HELZ: variants seen among roughly 807,000 people sequenced by gnomAD.
HELZ encodes the protein ATP-dependent RNA helicase with zinc finger domain.
In HELZ, 23 loss-of-function variants were observed where a neutral mutation model predicts 218.2. The observed-to-expected ratio is 0.11, with a 90% CI of 0.08 to 0.15. The LOEUF (loss-of-function observed/expected upper bound fraction) is 0.15. Ranked by LOEUF, HELZ falls within the 10% of genes least tolerant of loss-of-function variation. The pLI, the probability that HELZ is intolerant of heterozygous loss-of-function variation, is 1.00. For missense variants in HELZ, 1,813 were observed against 2,353.7 expected (o/e 0.77, Z 4.75); for synonymous variants, 814 against 829.4 (o/e 0.98, Z 0.32).
At chr17:67,187,393 CTAAAG>C (rs1328497402) in intron 12 of HELZ, among the ~76,000 whole-genome samples, 2 of 151,924 alleles carry the variant, frequency 1.3e-5, no homozygotes, top group Admixed American at 1.3e-4. Context: ...TTACTAGCAG[CTAAAG>C]TAAAGAGGAA....
At position 67,128,386 on chromosome 17, in the gene HELZ, TAGA is replaced by T. The variant is rs1220908449; in HGVS notation, c.3387+262_3387+264del. The T allele has an allele frequency of 1.1e-5, 5 of 466,096 alleles. No individual in the cohort carries two copies. In the East Asian group the frequency reaches 1.4e-4, roughly 13 times the overall value. 28.9% of individuals were successfully genotyped at this position (466,096 alleles called of 1,614,324 possible). On this transcript the variant is annotated intron_variant, in intron 24 of 32. Coordinates refer to ENST00000358691, the MANE Select transcript of HELZ (RefSeq NM_014877.4). Reference sequence around the variant, plus strand: ...AAACAACTCTATCAGTAGAGAGGATTAGAAGGTTATTTTATATAAATGATACCA... The same window carrying T: ...AAACAACTCTATCAGTAGAGAGGATTAGGTTATTTTATATAAATGATACCA...
intron 14 of HELZ, among the ~76,000 whole-genome samples, chr17:67,167,011 C>T (rs921493317): frequency 6.6e-6 from 1 of 152,126 alleles, no homozygotes; most frequent in African/African-American, 2.4e-5. Context: ...AGCCCTGATA[C>T]TCTATCAATT....
chr17:67,082,750 T>C (rs1881366649), intron 32 of HELZ, among the ~76,000 whole-genome samples: 1 of 152,056 alleles, frequency 6.6e-6, no homozygotes, highest in South Asian at 2.1e-4. Flanking sequence ...AAAATAAACA[T>C]GGCTTTCATT....
At chr17:67,087,197 G>A (rs2036421215) in intron 31 of HELZ, 116 bp from the exon 32 acceptor site, 1 of 962,772 alleles carries the variant, frequency 1.0e-6, no homozygotes, top group African/African-American at 1.6e-5. Flanking sequence ...AGAATATACT[G>A]TGACTGTGAA....
At chr17:67,164,664 C>A (rs1329938227) in intron 15 of HELZ, among the ~76,000 whole-genome samples, 3 of 151,936 alleles carry the variant, frequency 2.0e-5, no homozygotes, top group Non-Finnish European at 4.4e-5. Flanking sequence ...CAAATAAGTA[C>A]AGGGCAAATT....
Position 67,150,005 on chromosome 17 carries a change from C to G in HELZ, c.2357-20G>C. 1 of 1,413,760 alleles carries G rather than the reference C, an allele frequency of 7.1e-7. No homozygotes were observed. The highest frequency in any genetic ancestry group is 9.9e-7 in the Non-Finnish European group (1 of 1,006,516). The allele number at this position is 1,413,760 out of a possible 1,614,324, so 87.6% of individuals were successfully genotyped here. On this transcript the variant is annotated intron_variant, in intron 18 of 32. Coordinates refer to ENST00000358691, the MANE Select transcript of HELZ (RefSeq NM_014877.4). ...AAAACCCTAGAAAATGCAGCATAAA[C>G]ACAGGATAGCACGCTAGAGCAGCAA...
intron 3 of HELZ, among the ~76,000 whole-genome samples, chr17:67,236,500 C>G (rs1276354261): frequency 6.6e-6 from 1 of 152,024 alleles, no homozygotes; most frequent in African/African-American, 2.4e-5. Flanking sequence ...GAAAACCACC[C>G]AGACAGCAGT....
In HELZ at chr17:67,183,599, C is replaced by A. The variant is rs565371006; in HGVS notation, c.1163-4673G>T. ...GATATCAAGTTTCCATATTTAACTC[C>A]AAGAGTTCATTTTCAGCATGTTGCT... On this transcript the variant is annotated intron_variant, in intron 12 of 32. Transcript: ENST00000358691. Among the ~76,000 whole-genome samples, 4 of 152,164 alleles carry A rather than the reference C, an allele frequency of 2.6e-5. No individual in the cohort carries two copies. The South Asian group carries it at 8.3e-4, about 32-fold the overall frequency.
intron 4 of HELZ, among the ~76,000 whole-genome samples, chr17:67,216,775 T>C (rs2040611264): frequency 6.6e-6 from 1 of 152,170 alleles, no homozygotes; most frequent in Non-Finnish European, 1.5e-5. Flanking sequence ...TTCTCATGGC[T>C]TTCTTGGCAG....
chr17:67,236,785 T>C (rs2041196649), intron 3 of HELZ, among the ~76,000 whole-genome samples: 1 of 152,148 alleles, frequency 6.6e-6, no homozygotes, highest in Non-Finnish European at 1.5e-5. Context: ...TTATTCAACA[T>C]TAAATAATAA....
At chr17:67,088,100 T>C (rs2036449108) in intron 31 of HELZ, among the ~76,000 whole-genome samples, 1 of 152,218 alleles carries the variant, frequency 6.6e-6, no homozygotes. Flanking sequence ...GCATAGCATG[T>C]ACAGCAGTTC....
chr17:67,227,989 T>C (rs1210883341), intron 3 of HELZ, among the ~76,000 whole-genome samples: 2 of 152,200 alleles, frequency 1.3e-5, no homozygotes, highest in Non-Finnish European at 2.9e-5. Context: ...ATTTCTTCTA[T>C]CTAAATTCAA....
intron 21 of HELZ, among the ~76,000 whole-genome samples, chr17:67,141,605 A>C (rs2038327074): frequency 6.6e-6 from 1 of 152,144 alleles, no homozygotes; most frequent in East Asian, 1.9e-4. Context: ...GGAAGGGGGA[A>C]TAGAGCTATG....
At chr17:67,166,849 T>TAC (rs1464281821) in intron 14 of HELZ, among the ~76,000 whole-genome samples, 2 of 152,198 alleles carry the variant, frequency 1.3e-5, no homozygotes, top group African/African-American at 2.4e-5. Context: ...GATATATATA[T>TAC]ACTATTATTA....
chr17:67,109,156 A>G lies in HELZ; in HGVS notation c.4449T>C (p.Ile1483=), dbSNP rs749194988. The G allele has an allele frequency of 1.4e-5, 23 of 1,613,818 alleles. No homozygotes were observed. The South Asian group carries it at 2.4e-4, about 17-fold the overall frequency. The change falls in exon 29 of 33, where the codon ATT becomes ATC. Residue 1483 remains isoleucine (I), a synonymous_variant. Coordinates refer to ENST00000358691, the MANE Select transcript of HELZ (RefSeq NM_014877.4). ...PILPSHLNSF[I]DENPSGLPIG... The stretch of plus-strand genomic sequence containing the variant: ...TAGGTAATCCCGAGGGGTTCTCATC[A>G]ATGAAGCTATTCAGATGTGAAGGAA...
chr17:67,143,743 G>A (rs1358559411), intron 21 of HELZ, among the ~76,000 whole-genome samples: 1 of 151,970 alleles, frequency 6.6e-6, no homozygotes, highest in Non-Finnish European at 1.5e-5. Flanking sequence ...AAAAAAGAAT[G>A]ATCTTTCTCA....
At chr17:67,159,617 T>G (rs1169197872) in intron 17 of HELZ, among the ~76,000 whole-genome samples, 1 of 152,160 alleles carries the variant, frequency 6.6e-6, no homozygotes, top group Non-Finnish European at 1.5e-5. Flanking sequence ...AATTTGATGA[T>G]TCTTTATTGT....
chr17:67,202,704 A>AT (rs1369682007), intron 6 of HELZ, among the ~76,000 whole-genome samples: 1 of 152,234 alleles, frequency 6.6e-6, no homozygotes, highest in Non-Finnish European at 1.5e-5. Context: ...CCACATCAGC[A>AT]TTTTAAAACT....
chr17:67,189,483 A>T, intron 11 of HELZ, 106 bp downstream of exon 11: 3 of 674,614 alleles, frequency 4.4e-6, no homozygotes, highest in East Asian at 2.7e-5. Flanking sequence ...TAATGTACTT[A>T]GATTAAAATA....
Sources: allele counts gnomAD v4.1 joint callset (sites outside exome capture counted in the v4.1 genomes callset), GRCh38; gene constraint gnomAD v4.1.1; transcripts MANE v1.5; gene names NCBI Gene and HGNC (gene_info 2026-07-23, HGNC 2026-07-21).